Variants in KIF7 observed in about 807,000 individuals in gnomAD.
KIF7 encodes the protein kinesin family member 7.
A neutral mutation model predicts 135.7 loss-of-function variants in KIF7; 104 were observed. That is an observed-to-expected ratio of 0.77 (90% CI 0.65 to 0.90). The LOEUF (loss-of-function observed/expected upper bound fraction) is 0.90. Among genes scored for constraint, KIF7 ranks in the 40% least tolerant of loss-of-function variants. The pLI is 0.00. For synonymous variants in KIF7, 883 were observed against 809.4 expected (o/e 1.09, Z -1.54); for missense variants, 2,005 against 1,839.1 (o/e 1.09, Z -1.65).
chr15:89,657,677 C>T (rs1180226471), upstream of KIF7, among the ~76,000 whole-genome samples: 2 of 152,164 alleles, frequency 1.3e-5, no homozygotes, highest in Non-Finnish European at 2.9e-5. Context: ...AAAATGTATA[C>T]TGTAGGCCTG....
At chr15:89,624,873 T>G (rs769349690), downstream of KIF7, 8 of 1,613,850 alleles carry the variant, frequency 5.0e-6, no homozygotes, top group Admixed American at 6.7e-5. Context: ...CTCTGATGCC[T>G]TCCCGTGACG....
chr15:89,643,043 A>C (rs2142018322), intron 10 of KIF7, among the ~76,000 whole-genome samples: 1 of 151,458 alleles, frequency 6.6e-6, no homozygotes, highest in South Asian at 2.1e-4. Context: ...AGAATGAGCT[A>C]AATGACACCA....
At chr15:89,632,269 CTCCA>C (rs1248116782) in intron 14 of KIF7, among the ~76,000 whole-genome samples, 1 of 152,210 alleles carries the variant, frequency 6.6e-6, no homozygotes, top group African/African-American at 2.4e-5. Flanking sequence ...GGCCATCCCC[CTCCA>C]GCCATCATGG....
At chr15:89,625,176 G>C, downstream of KIF7, 1 of 1,613,618 alleles carries the variant, frequency 6.2e-7, no homozygotes, top group Non-Finnish European at 8.5e-7. Flanking sequence ...CCACCTATGT[G>C]TCACCCCCCT....
chr15:89,632,733 G>T, intron 14 of KIF7, 87 bp downstream of exon 14: 2 of 1,421,116 alleles, frequency 1.4e-6, no homozygotes, highest in Non-Finnish European at 1.9e-6. Context: ...AACTTACTTG[G>T]CAGGAGCTCA....
chr15:89,648,482 C>G lies in KIF7; in HGVS notation c.1216G>C (p.Gly406Arg). 2 of 1,045,256 alleles carry G rather than the reference C, an allele frequency of 1.9e-6. No individual in the cohort carries two copies. The allele number at this position is 1,045,256 out of a possible 1,614,324, so 64.7% of individuals were successfully genotyped here. Residue 406 changes from glycine (G) to arginine (R), a missense_variant, in exon 5 of 19, where the codon GGC becomes CGC. Gly to Arg is a moderately radical substitution (Grantham distance 125). Coordinates refer to ENST00000394412, the MANE Select transcript of KIF7 (RefSeq NM_198525.3). ...TASAAAAMRL[G>R]AECARYRACT... is the part of the protein sequence containing the mutation. ...GCCCGGTAGCGCGCGCACTCGGCGC[C>G]CAGGCGCATGGCGGCCGCCGCGGAG...
chr15:89,649,962 C>G, intron 2 of KIF7, 21 bp from the exon 3 acceptor site: 1 of 1,547,706 alleles, frequency 6.5e-7, no homozygotes, highest in Non-Finnish European at 8.7e-7. Flanking sequence ...ACCGCAGGGC[C>G]TCCTGCCACT....
intron 7 of KIF7, among the ~76,000 whole-genome samples, 169 bp from the exon 8 acceptor site, chr15:89,646,195 T>TCCCTC (rs1209750703): frequency 2.0e-5 from 3 of 151,982 alleles, no homozygotes; most frequent in Non-Finnish European, 2.9e-5. Flanking sequence ...GAGAGCTTCC[T>TCCCTC]CCCTCCCCTC....
chr15:89,654,794 C>A (rs1357678642), intron 1 of KIF7, among the ~76,000 whole-genome samples: 3 of 152,256 alleles, frequency 2.0e-5, no homozygotes, highest in African/African-American at 7.2e-5. Context: ...CCCGGCACTT[C>A]ATTCTTTACC....
downstream of KIF7, chr15:89,624,388 A>C (rs1344182954): frequency 6.2e-7 from 1 of 1,614,004 alleles, no homozygotes; most frequent in Non-Finnish European, 8.5e-7. Flanking sequence ...TGTTCCCTCA[A>C]CTCCCCCTGA....
At position 89,645,133 on chromosome 15, in the gene KIF7, G is replaced by A. The variant is rs536188566; in HGVS notation, c.2071C>T (p.Arg691Cys). The change falls in exon 10 of 19, where the codon CGC (arginine) becomes TGC (cysteine). Residue 691 changes from arginine to cysteine, a missense_variant. Coordinates refer to ENST00000394412, the MANE Select transcript of KIF7 (RefSeq NM_198525.3). ...VGGSKARVQA[R>C]QVPPATASEW... ...GAGGCTGTGGCAGGGGGGACCTGGCGGGCCTGAACTCGGGCCTTGCTCCCA... is the reference window on the plus strand; with the variant it reads ...GAGGCTGTGGCAGGGGGGACCTGGCAGGCCTGAACTCGGGCCTTGCTCCCA... 2.4e-5 allele frequency: 39 copies of A among 1,604,832 alleles called. No homozygotes were observed. The highest frequency in any genetic ancestry group is 2.3e-4 in the Admixed American group (14 of 60,020).
intron 14 of KIF7, 106 bp downstream of exon 14, chr15:89,632,714 C>A: frequency 1.6e-6 from 2 of 1,263,916 alleles, no homozygotes; most frequent in Non-Finnish European, 2.2e-6. Context: ...CTAGACCTCA[C>A]CTGGCAGAAA....
At chr15:89,627,302 T>A, downstream of KIF7, 1 of 584,180 alleles carries the variant, frequency 1.7e-6, no homozygotes, top group South Asian at 2.4e-5. Flanking sequence ...TGGATGGCAA[T>A]GTGATTGGTG....
chr15:89,641,256 C>T (rs748510965), intron 11 of KIF7, among the ~76,000 whole-genome samples: 2 of 151,948 alleles, frequency 1.3e-5, no homozygotes, highest in Non-Finnish European at 2.9e-5. Flanking sequence ...CAAGACACAG[C>T]CAGGAAGTGG....
chr15:89,648,584 C>T lies in KIF7; in HGVS notation c.1114G>A (p.Ala372Thr), dbSNP rs1229552986. 6.6e-7 allele frequency: 1 copy of T among 1,516,276 alleles called. No individual in the cohort carries two copies. The highest frequency in any genetic ancestry group is 8.8e-7 in the Non-Finnish European group (1 of 1,135,266). The allele number at this position is 1,516,276 out of a possible 1,614,324, so 93.9% of individuals were successfully genotyped here. The change falls in exon 5 of 19, where the codon GCG becomes ACG. Residue 372 changes from alanine (A) to threonine (T), a missense_variant. Transcript: ENST00000394412. ...GAGCGGTGCCGTGGCGGACCCCGCG[C>T]GCCGCTCGCCGTCTCTTCGGGTGGC... ...ERPPEETASGARGPPRHRSET... is the reference protein window; with the variant it reads ...ERPPEETASGTRGPPRHRSET...
chr15:89,623,921 C>T (rs200774332), downstream of KIF7: 123 of 1,614,096 alleles, frequency 7.6e-5, no homozygotes, highest in South Asian at 1.2e-3. Flanking sequence ...ACTCAGCCGC[C>T]TGGGTTTTTG....
the KIF7 span, among the ~76,000 whole-genome samples, chr15:89,662,088 A>T: frequency 6.6e-6 from 1 of 152,176 alleles, no homozygotes; most frequent in East Asian, 1.9e-4. Flanking sequence ...ATTAAGTGTG[A>T]AGTATTAAAT....
intron 1 of KIF7, among the ~76,000 whole-genome samples, chr15:89,622,784 T>C (rs1044945849): frequency 2.0e-5 from 3 of 152,198 alleles, no homozygotes; most frequent in African/African-American, 7.2e-5. Context: ...GCTAGTATTG[T>C]TTTCTATGCC....
At chr15:89,633,352 G>A in intron 12 of KIF7, 86 bp from the exon 13 acceptor site, 2 of 1,510,618 alleles carry the variant, frequency 1.3e-6, no homozygotes, top group Non-Finnish European at 1.8e-6. Flanking sequence ...CCCCAGGAGT[G>A]CCTGCCCACT....
Sources: gnomAD v4.1 joint callset for allele counts (sites outside exome capture counted in the v4.1 genomes callset) on GRCh38, gnomAD v4.1.1 for gene constraint, MANE v1.5 for transcripts, NCBI Gene and HGNC (gene_info 2026-07-23, HGNC 2026-07-21) for gene names.